Variants in GAREM1 observed in about 807,000 individuals in gnomAD.
GAREM1 encodes the protein GRB2-associated and regulator of MAPK protein 1.
A neutral mutation model predicts 71.3 loss-of-function variants in GAREM1; 26 were observed. The ratio of observed to expected loss-of-function variants is 0.36; its 90% CI spans 0.27 to 0.51. GAREM1 has a LOEUF of 0.51. Ranked by LOEUF, GAREM1 falls within the 20% of genes least tolerant of loss-of-function variation. The pLI is 0.95. For synonymous variants in GAREM1, 440 were observed against 433.2 expected (o/e 1.02, Z -0.20); for missense variants, 1,026 against 1,103.1 (o/e 0.93, Z 0.99).
intron 2 of GAREM1, among the ~76,000 whole-genome samples, chr18:32,322,746 A>G (rs568347365): frequency 6.6e-6 from 1 of 152,232 alleles, no homozygotes; most frequent in Non-Finnish European, 1.5e-5. Context: ...CTCAAGTCCA[A>G]CATAATCTGT....
At chr18:32,421,394 C>A (rs566954785) in intron 1 of GAREM1, among the ~76,000 whole-genome samples, 1 of 152,202 alleles carries the variant, frequency 6.6e-6, no homozygotes, top group Non-Finnish European at 1.5e-5. Context: ...CTCCCAGCAG[C>A]TCCCAGCTGA....
intron 4 of GAREM1, among the ~76,000 whole-genome samples, chr18:32,286,187 C>T (rs76281629): frequency 0.018 from 2,689 of 152,178 alleles, 44 homozygotes; most frequent in Non-Finnish European, 0.025. Context: ...AATTGAAGAA[C>T]ATGGTCAAAA....
intron 1 of GAREM1, among the ~76,000 whole-genome samples, chr18:32,447,942 T>C (rs1388378525): frequency 6.6e-6 from 1 of 152,224 alleles, no homozygotes; most frequent in Non-Finnish European, 1.5e-5. Flanking sequence ...ATGTGTGTTA[T>C]ATCCAATAAT....
intron 1 of GAREM1, among the ~76,000 whole-genome samples, chr18:32,404,452 C>CA (rs11367080): frequency 1.7e-3 from 227 of 137,052 alleles, no homozygotes; most frequent in East Asian, 8.1e-3. Context: ...TTATGTTGCA[C>CA]AAAAAAAAAA....
At chr18:32,438,605 T>G (rs2048704688) in intron 1 of GAREM1, among the ~76,000 whole-genome samples, 2 of 152,240 alleles carry the variant, frequency 1.3e-5, no homozygotes, top group South Asian at 4.1e-4. Context: ...ATCCTCATCC[T>G]GATAATTACA....
chr18:32,328,813 T>A (rs1435211444), intron 2 of GAREM1, among the ~76,000 whole-genome samples: 1 of 152,124 alleles, frequency 6.6e-6, no homozygotes, highest in Non-Finnish European at 1.5e-5. Flanking sequence ...TTGATTACTT[T>A]AAGATTAAGG....
rs189390352 is a variant in GAREM1 at position 32,443,709 on chromosome 18, T to G, written c.121+26599A>C. Among the ~76,000 whole-genome samples, 4 of 152,330 alleles carry G rather than the reference T, an allele frequency of 2.6e-5. No individual in the cohort carries two copies. In the East Asian group the frequency reaches 7.7e-4, roughly 29 times the overall value. On this transcript the variant is annotated intron_variant, in intron 1 of 5. Transcript: ENST00000269209. The stretch of plus-strand genomic sequence containing the variant: ...GGCACAGACACTCTGGAAAAGAGTT[T>G]GATAGTTTCTCAAACAATTAAATGT...
At chr18:32,357,887 A>G (rs2047821396) in intron 2 of GAREM1, among the ~76,000 whole-genome samples, 1 of 152,162 alleles carries the variant, frequency 6.6e-6, no homozygotes, top group Non-Finnish European at 1.5e-5. Context: ...CACATACCCG[A>G]ATTAGTGGTG....
At chr18:32,453,006 G>A (rs955518739) in intron 1 of GAREM1, among the ~76,000 whole-genome samples, 1 of 151,926 alleles carries the variant, frequency 6.6e-6, no homozygotes, top group Non-Finnish European at 1.5e-5. Context: ...CCATTTTCAC[G>A]CTGCTGATAA....
chr18:32,443,587 C>T (rs924475952), intron 1 of GAREM1, among the ~76,000 whole-genome samples: 2 of 152,106 alleles, frequency 1.3e-5, no homozygotes, highest in East Asian at 3.8e-4. Flanking sequence ...CAAAGAGATA[C>T]CACTTCACAC....
At chr18:32,411,645 C>T (rs1209307782) in intron 1 of GAREM1, among the ~76,000 whole-genome samples, 4 of 152,030 alleles carry the variant, frequency 2.6e-5, no homozygotes, top group African/African-American at 9.7e-5. Flanking sequence ...CTTTTATAAC[C>T]ATTCCATGAC....
At chr18:32,297,853 C>T (rs1490028256) in intron 3 of GAREM1, among the ~76,000 whole-genome samples, 3 of 152,176 alleles carry the variant, frequency 2.0e-5, no homozygotes, top group Non-Finnish European at 2.9e-5. Context: ...GGATAAGATG[C>T]AGACAGGGAT....
chr18:32,412,053 G>GT (rs1265031112), intron 1 of GAREM1: 2 of 693,622 alleles, frequency 2.9e-6, no homozygotes, highest in East Asian at 2.7e-5. Flanking sequence ...CAGTCCTCGA[G>GT]TTTTTTGCCC....
At chr18:32,294,006 T>C (rs2047114614) in intron 3 of GAREM1, among the ~76,000 whole-genome samples, 1 of 152,206 alleles carries the variant, frequency 6.6e-6, no homozygotes, top group Non-Finnish European at 1.5e-5. Context: ...TGAATGATTG[T>C]TCCAGATTAA....
intron 2 of GAREM1, among the ~76,000 whole-genome samples, chr18:32,322,753 C>T (rs1025291887): frequency 5.3e-5 from 8 of 152,206 alleles, no homozygotes; most frequent in African/African-American, 1.9e-4. Context: ...CCAACATAAT[C>T]TGTGAAGTGT....
chr18:32,278,017 G>A (rs1371410327), intron 4 of GAREM1, among the ~76,000 whole-genome samples: 1 of 152,126 alleles, frequency 6.6e-6, no homozygotes, highest in Non-Finnish European at 1.5e-5. Context: ...GGGGCTTTTT[G>A]GTACAACAGC....
In GAREM1 at chr18:32,389,218, T is replaced by C. The variant is rs961820360; in HGVS notation, c.262+3677A>G. ...ACAAAAAACAGCAGCCCAAATAACA[T>C]TGAGGGGTGTCAGTATTCAACTAGC... On this transcript the variant is annotated intron_variant, in intron 2 of 5. Coordinates refer to ENST00000269209, the MANE Select transcript of GAREM1 (RefSeq NM_001242409.2). 5.9e-5 allele frequency among the ~76,000 whole-genome samples: 9 copies of C among 152,096 alleles called. 1 individual carries two copies. The highest frequency in any genetic ancestry group is 5.9e-4 in the Admixed American group (9 of 15,270).
chr18:32,463,709 A>G (rs2048973143), intron 1 of GAREM1, among the ~76,000 whole-genome samples: 1 of 151,520 alleles, frequency 6.6e-6, no homozygotes, highest in African/African-American at 2.4e-5. Context: ...AGCTGGGACT[A>G]CAGGCACATG....
At chr18:32,273,714 T>A (rs79055474) in intron 4 of GAREM1, among the ~76,000 whole-genome samples, 3,182 of 151,040 alleles carry the variant, frequency 0.021, 39 homozygotes, top group Non-Finnish European at 0.03. Context: ...TGTGTGTGTG[T>A]GAGAGAGAGA....
Sources: allele counts gnomAD v4.1 joint callset (sites outside exome capture counted in the v4.1 genomes callset), GRCh38; gene constraint gnomAD v4.1.1; transcripts MANE v1.5; gene names NCBI Gene and HGNC (gene_info 2026-07-23, HGNC 2026-07-21).